TYR: variants seen among roughly 807,000 people sequenced by gnomAD.
TYR encodes LB24-AB.
In TYR, 58 loss-of-function variants were observed where a neutral mutation model predicts 51.5. The observed-to-expected ratio is 1.13, with a 90% CI of 0.91 to 1.40. TYR has a LOEUF of 1.40. Among genes scored for constraint, TYR ranks in the 40% most tolerant of loss-of-function variants. The probability of loss-of-function intolerance (pLI) is 0.00; values close to 1 mark genes in which losing one functional copy is unlikely to be tolerated. For synonymous variants in TYR, 263 were observed against 235.2 expected, an observed-to-expected ratio of 1.12 and a Z score of -1.08; for missense variants, 732 against 647.4, an observed-to-expected ratio of 1.13 and a Z score of -1.42.
intron 3 of TYR, among the ~76,000 whole-genome samples, chr11:89,245,368 T>G (rs74581634): frequency 0.025 from 3,831 of 152,296 alleles, 175 homozygotes; most frequent in African/African-American, 0.088. Context: ...TCCGAGAGGT[T>G]AAGTAACCAG....
At chr11:89,250,307 A>G (rs185176607) in intron 3 of TYR, among the ~76,000 whole-genome samples, 40 of 152,040 alleles carry the variant, frequency 2.6e-4, no homozygotes, top group African/African-American at 8.7e-4. Context: ...TTCCTTTTTT[A>G]AAGTCTGAAG....
At chr11:89,221,612 A>T (rs1303356066) in intron 2 of TYR, among the ~76,000 whole-genome samples, 1 of 152,198 alleles carries the variant, frequency 6.6e-6, no homozygotes, top group Non-Finnish European at 1.5e-5. Flanking sequence ...TCCTAAAACC[A>T]TTGTGCATAA....
At chr11:89,227,073 A>G (rs866636215) in intron 2 of TYR, among the ~76,000 whole-genome samples, 2 of 152,198 alleles carry the variant, frequency 1.3e-5, no homozygotes, top group Middle Eastern at 3.4e-3. Flanking sequence ...TAAACTCAGA[A>G]CTTCTCTGAA....
intron 3 of TYR, among the ~76,000 whole-genome samples, chr11:89,261,405 G>A (rs1252101939): frequency 1.3e-5 from 2 of 152,036 alleles, no homozygotes; most frequent in Non-Finnish European, 2.9e-5. Flanking sequence ...AAGAGAGCTT[G>A]AATAGGTATA....
chr11:89,198,370 A>C (rs530601227), intron 2 of TYR, among the ~76,000 whole-genome samples: 1 of 152,262 alleles, frequency 6.6e-6, no homozygotes, highest in South Asian at 2.1e-4. Context: ...CTTCCTCACT[A>C]ATTCTGAGGG....
rs548556636 is a variant in TYR at position 89,254,297 on chromosome 11, G to A, written c.1184+26327G>A. On this transcript the variant is annotated intron_variant, in intron 3 of 4. Transcript: ENST00000263321. ...TGGTCTGTAGTTTTTTGTTGTTATTGTTATGTTCTTTTCCGGTTTTGGTGT... is the reference window on the plus strand; with the variant it reads ...TGGTCTGTAGTTTTTTGTTGTTATTATTATGTTCTTTTCCGGTTTTGGTGT... 7.3e-5 allele frequency among the ~76,000 whole-genome samples: 11 copies of A among 151,516 alleles called. No individual in the cohort carries two copies. In the East Asian group the frequency reaches 1.9e-3, roughly 27 times the overall value.
rs797046081 is a variant in TYR, at chr11:89,284,822, C to G, written c.1234C>G (p.Pro412Ala). The G allele has an allele frequency of 1.9e-6, 3 of 1,611,876 alleles. No homozygotes were observed. The highest frequency in any genetic ancestry group is 2.5e-6 in the Non-Finnish European group (3 of 1,178,536). Reference protein sequence around the residue: ...RRHRPLQEVYPEANAPIGHNR... With the variant: ...RRHRPLQEVYAEANAPIGHNR... ...GCACCGTCCTCTTCAAGAAGTTTAT[C>G]CAGAAGCCAATGCACCCATTGGACA... Residue 412 changes from proline to alanine, a missense_variant, in exon 4 of 5, where the codon CCA (proline) becomes GCA (alanine). Transcript: ENST00000263321.
chr11:89,252,827 T>C (rs1404201899), intron 3 of TYR, among the ~76,000 whole-genome samples: 1 of 151,652 alleles, frequency 6.6e-6, no homozygotes, highest in Non-Finnish European at 1.5e-5. Context: ...TGCTTCAACA[T>C]GAAAAGGAAA....
At chr11:89,288,471 C>T (rs1049481574) in intron 4 of TYR, among the ~76,000 whole-genome samples, 3 of 151,920 alleles carry the variant, frequency 2.0e-5, no homozygotes, top group African/African-American at 7.2e-5. Context: ...ACAAAGGCAA[C>T]AAAATTTCCT....
chr11:89,193,787 C>G (rs1389121344), intron 2 of TYR, among the ~76,000 whole-genome samples: 1 of 152,004 alleles, frequency 6.6e-6, no homozygotes, highest in Admixed American at 6.6e-5. Context: ...TAATTTTAAG[C>G]TTACAGAGAT....
intron 1 of TYR, among the ~76,000 whole-genome samples, chr11:89,182,180 T>G (rs1182962562): frequency 1.3e-5 from 2 of 152,160 alleles, no homozygotes; most frequent in African/African-American, 2.4e-5. Context: ...TCCAAGGTGG[T>G]GATCATTTCT....
chr11:89,268,112 C>A (rs1944547371), intron 3 of TYR, among the ~76,000 whole-genome samples: 1 of 151,884 alleles, frequency 6.6e-6, no homozygotes, highest in Non-Finnish European at 1.5e-5. Context: ...AGTTTTATAT[C>A]CCTTTTGTCC....
At chr11:89,216,852 C>T (rs1031003002) in intron 2 of TYR, among the ~76,000 whole-genome samples, 10 of 151,974 alleles carry the variant, frequency 6.6e-5, no homozygotes, top group East Asian at 1.9e-4. Context: ...GGAAGAATAG[C>T]GTATGACTAT....
chr11:89,272,579 A>G (rs1290426793), intron 3 of TYR, among the ~76,000 whole-genome samples: 2 of 151,886 alleles, frequency 1.3e-5, no homozygotes, highest in Admixed American at 6.6e-5. Flanking sequence ...ACTGGCTTCA[A>G]CTTAAACTAA....
chr11:89,270,375 C>CT (rs1156709543), intron 3 of TYR, among the ~76,000 whole-genome samples: 1 of 151,902 alleles, frequency 6.6e-6, no homozygotes, highest in East Asian at 1.9e-4. Flanking sequence ...ACTAACTCCT[C>CT]TTTCTCTTTT....
At position 89,279,189 on chromosome 11, in the gene TYR, G is replaced by A. The variant is rs116083327; in HGVS notation, c.1185-5584G>A. Among the ~76,000 whole-genome samples the A allele has an allele frequency of 8.2e-3, 1,251 of 151,706 alleles. 18 individuals are homozygous for A. Among genetic ancestry groups the A allele is most frequent in the African/African-American group, 0.028 (1,155 of 41,450 alleles). On this transcript the variant is annotated intron_variant, in intron 3 of 4. Transcript: ENST00000263321. ...TCTTTCTCCTGTGAAATAAACCATA[G>A]AAACTAGACTCCCTCTTCCCCAAGA... is the stretch of plus-strand genomic sequence containing the variant.
intron 2 of TYR, among the ~76,000 whole-genome samples, chr11:89,221,704 TAA>T (rs1943913392): frequency 6.6e-6 from 1 of 152,316 alleles, no homozygotes; most frequent in Non-Finnish European, 1.5e-5. Flanking sequence ...CAGTGGGTCT[TAA>T]GTCACTTTTT....
At chr11:89,230,043 T>C (rs1478621229) in intron 3 of TYR, among the ~76,000 whole-genome samples, 1 of 152,000 alleles carries the variant, frequency 6.6e-6, no homozygotes, top group Non-Finnish European at 1.5e-5. Flanking sequence ...AAAACAGTCT[T>C]CAAATTCATA....
chr11:89,221,328 T>G (rs1311577771), intron 2 of TYR, among the ~76,000 whole-genome samples: 1 of 152,222 alleles, frequency 6.6e-6, no homozygotes, highest in East Asian at 1.9e-4. Context: ...ATGCACCACT[T>G]CATTTGCTTC....
Sources: gnomAD v4.1 joint callset for allele counts (sites outside exome capture counted in the v4.1 genomes callset) on GRCh38, gnomAD v4.1.1 for gene constraint, MANE v1.5 for transcripts, NCBI Gene and HGNC (gene_info 2026-07-23, HGNC 2026-07-21) for gene names.